The following TMEM165 variants were observed in gnomAD, a reference collection of about 807,000 sequenced individuals.
TMEM165 encodes the protein putative divalent cation/proton antiporter TMEM165.
In TMEM165, 19 loss-of-function variants were observed where a neutral mutation model predicts 30.0. That is an observed-to-expected ratio of 0.63 (90% CI 0.44 to 0.93). TMEM165 has a LOEUF of 0.93. TMEM165 is among the 40% of genes least tolerant of loss of function. The pLI is 0.00. For synonymous variants in TMEM165, 168 were observed against 162.9 expected, an observed-to-expected ratio of 1.03 and a Z score of -0.24; for missense variants, 340 against 417.0, an observed-to-expected ratio of 0.82 and a Z score of 1.61.
chr4:55,438,260 G>A, intron 3 of TMEM165: 1 of 1,613,676 alleles, frequency 6.2e-7, no homozygotes, highest in Non-Finnish European at 8.5e-7. Flanking sequence ...GTTTGAAGCA[G>A]CTTCCCCATG....
intron 3 of TMEM165, among the ~76,000 whole-genome samples, chr4:55,441,709 T>C (rs1302622226): frequency 6.6e-6 from 1 of 151,908 alleles, no homozygotes; most frequent in South Asian, 2.1e-4. Context: ...CAGAGTGATA[T>C]AATAGACTTT....
chr4:55,438,598 GC>G, intron 3 of TMEM165: 1 of 1,609,832 alleles, frequency 6.2e-7, no homozygotes, highest in Non-Finnish European at 8.5e-7. Context: ...ATCATAAAAC[GC>G]AGTGGAGTAA....
At chr4:55,396,564 C>G (rs1316428792) in intron 1 of TMEM165, among the ~76,000 whole-genome samples, 168 bp downstream of exon 1, 1 of 152,216 alleles carries the variant, frequency 6.6e-6, no homozygotes, top group Non-Finnish European at 1.5e-5. Context: ...CCGGTGAGGC[C>G]TGGTCTTGCC....
At chr4:55,435,403 G>A (rs1354688658) in intron 3 of TMEM165, 1 of 1,613,790 alleles carries the variant, frequency 6.2e-7, no homozygotes, top group Non-Finnish European at 8.5e-7. Flanking sequence ...GTCAAGAGAG[G>A]AAGCACGTGT....
intron 3 of TMEM165, among the ~76,000 whole-genome samples, chr4:55,437,136 A>T (rs1251510853): frequency 6.6e-6 from 1 of 152,216 alleles, no homozygotes; most frequent in Non-Finnish European, 1.5e-5. Flanking sequence ...AAAAGACTGT[A>T]TGACTCTCAG....
intron 3 of TMEM165, chr4:55,449,362 C>G: frequency 6.5e-7 from 1 of 1,533,562 alleles, no homozygotes; most frequent in Admixed American, 1.7e-5. Flanking sequence ...CTTAATAAAT[C>G]TTTATTCAGA....
At position 55,453,136 on chromosome 4, in the gene TMEM165, AT is replaced by A. The variant is rs758644966; in HGVS notation, c.*831del. ...AGCCCTAACTTCTGCATAACTACAA[AT>A]GGAAAAAATAATCAAATTTTAGTGT... On this transcript the variant is annotated 3_prime_UTR_variant, in exon 4 of 4. Transcript: ENST00000608091. 1.9e-6 allele frequency: 3 copies of A among 1,610,562 alleles called. No homozygotes were observed. In the Admixed American group the frequency reaches 5.0e-5, roughly 27 times the overall value.
downstream of TMEM165, chr4:55,429,807 T>G (rs1414707457): frequency 6.6e-6 from 1 of 152,298 alleles, no homozygotes; most frequent in Non-Finnish European, 1.5e-5. Flanking sequence ...GAATCAGATT[T>G]GAAAGGAGTT....
exon 4 of TMEM165, chr4:55,452,807 GACTAGT>G: frequency 2.8e-6 from 1 of 355,870 alleles, no homozygotes; most frequent in South Asian, 4.1e-5. Context: ...CCTAGCCAGA[GACTAGT>G]ACATCACTGG....
downstream of TMEM165, among the ~76,000 whole-genome samples, chr4:55,427,677 C>T (rs977664691): frequency 6.6e-6 from 1 of 152,158 alleles, no homozygotes; most frequent in Non-Finnish European, 1.5e-5. Flanking sequence ...AAGACAATTC[C>T]TCGTAGGGAG....
chr4:55,452,892 C>A lies in TMEM165; in HGVS notation c.*586C>A, dbSNP rs2109768847. 7 of 555,160 alleles carry A rather than the reference C, an allele frequency of 1.3e-5. No homozygotes were observed. In the South Asian group the frequency reaches 1.8e-4, roughly 14 times the overall value. 34.4% of individuals were successfully genotyped at this position (555,160 alleles called of 1,614,324 possible). A position where few individuals can be genotyped will look rare whatever the true frequency, so the allele number is the denominator to read the frequency against. ...TTTCTTTTTAGAGGCAGGTGAGACT[C>A]TAAAATATTAAATTAAAAATAAGTA... On this transcript the variant is annotated 3_prime_UTR_variant, in exon 4 of 4. Transcript: ENST00000608091.
rs747691380 is a variant in TMEM165 at position 55,411,707 on chromosome 4, A to G, written c.301A>G (p.Ile101Val). 1.2e-6 allele frequency: 2 copies of G among 1,614,212 alleles called. No homozygotes were observed. Among genetic ancestry groups the G allele is most frequent in the Non-Finnish European group, 1.7e-6 (2 of 1,180,030 alleles). Reference protein sequence around the residue: ...LGFIHAFVAAISVIIVSELGD... With the variant: ...LGFIHAFVAAVSVIIVSELGD... ...ATTTATCCATGCATTTGTCGCTGCC[A>G]TATCAGTTATTATTGTATCTGAATT... The change falls in exon 2 of 6, where the codon ATA (isoleucine) becomes GTA (valine). Residue 101 changes from isoleucine (I) to valine (V), a missense_variant. Coordinates refer to ENST00000381334, the MANE Select transcript of TMEM165 (RefSeq NM_018475.5).
intron 3 of TMEM165, among the ~76,000 whole-genome samples, chr4:55,446,665 T>C (rs187373443): frequency 2.0e-5 from 3 of 152,388 alleles, no homozygotes; most frequent in Admixed American, 1.3e-4. Context: ...ACTTGAGTCA[T>C]GAGCAGCTCC....
Position 55,396,170 on chromosome 4 carries a change from C to T in TMEM165, c.-20C>T. 7.4e-7 allele frequency: 1 copy of T among 1,350,878 alleles called. No homozygotes were observed. The highest frequency in any genetic ancestry group is 9.4e-7 in the Non-Finnish European group (1 of 1,064,146). 83.7% of individuals were successfully genotyped at this position (1,350,878 alleles called of 1,614,324 possible). Reference sequence around the variant, plus strand: ...CACTTCCTCTTGCGGCGCCCGTGCGCGGCCGGCCCGGCAGGCGGGATGGCG... The same window carrying T: ...CACTTCCTCTTGCGGCGCCCGTGCGTGGCCGGCCCGGCAGGCGGGATGGCG... On this transcript the variant is annotated 5_prime_UTR_variant, in exon 1 of 6. Transcript: ENST00000381334.
At chr4:55,426,737 T>TGAAA (rs1722219106), downstream of TMEM165, among the ~76,000 whole-genome samples, 1 of 152,178 alleles carries the variant, frequency 6.6e-6, no homozygotes. Context: ...GAAGAGATTG[T>TGAAA]GAAAGAACCC....
At chr4:55,443,417 G>A (rs1021580789) in intron 3 of TMEM165, among the ~76,000 whole-genome samples, 17 of 147,720 alleles carry the variant, frequency 1.2e-4, no homozygotes, top group African/African-American at 4.2e-4. Context: ...GGAGGTTGCA[G>A]TAATCTAAGG....
intron 3 of TMEM165, among the ~76,000 whole-genome samples, chr4:55,439,699 T>C (rs918072176): frequency 2.6e-5 from 4 of 152,154 alleles, no homozygotes; most frequent in Admixed American, 2.0e-4. Flanking sequence ...ATTCTGACAA[T>C]TGCTGTAACA....
At chr4:55,427,483 T>C (rs563883835), downstream of TMEM165, among the ~76,000 whole-genome samples, 522 of 151,368 alleles carry the variant, frequency 3.4e-3, 1 homozygote, top group African/African-American at 0.012. Context: ...GCAGGGATTA[T>C]AGGTGCCCGC....
At chr4:55,419,940 A>T (rs1721892785) in intron 4 of TMEM165, among the ~76,000 whole-genome samples, 1 of 150,804 alleles carries the variant, frequency 6.6e-6, no homozygotes. Flanking sequence ...TAAAAATATC[A>T]CTTTAATTAG....
Sources: allele counts gnomAD v4.1 joint callset (sites outside exome capture counted in the v4.1 genomes callset), GRCh38; gene constraint gnomAD v4.1.1; transcripts MANE v1.5; gene names NCBI Gene and HGNC (gene_info 2026-07-23, HGNC 2026-07-21).